DARS1: variants seen among roughly 807,000 people sequenced by gnomAD.
DARS1 encodes aspartate--tRNA ligase, cytoplasmic.
Under a neutral mutation model 68.8 loss-of-function variants are expected in DARS1, and 51 were observed. The ratio of observed to expected loss-of-function variants is 0.74; its 90% CI spans 0.59 to 0.94. DARS1 has a LOEUF of 0.94. Among genes scored for constraint, DARS1 ranks in the 40% least tolerant of loss-of-function variants. The pLI, the probability that DARS1 is intolerant of heterozygous loss-of-function variation, is 0.00. For synonymous variants in DARS1, 203 were observed against 190.4 expected (o/e 1.07, Z -0.55); for missense variants, 607 against 597.3 (o/e 1.02, Z -0.17).
At chr2:135,915,105 T>C (rs1332068884) in intron 11 of DARS1, among the ~76,000 whole-genome samples, 2 of 152,108 alleles carry the variant, frequency 1.3e-5, no homozygotes, top group African/African-American at 2.4e-5. Context: ...CATATATATA[T>C]ATTTTTTTTT....
intron 4 of DARS1, among the ~76,000 whole-genome samples, chr2:135,945,938 T>C (rs1681711624): frequency 6.6e-6 from 1 of 152,200 alleles, no homozygotes; most frequent in Non-Finnish European, 1.5e-5. Flanking sequence ...TAGACATTAG[T>C]AAAACTATTC....
intron 3 of DARS1, among the ~76,000 whole-genome samples, chr2:135,972,282 T>C (rs371195863): frequency 2.0e-5 from 3 of 152,242 alleles, no homozygotes; most frequent in East Asian, 1.9e-4. Context: ...GATCCACACA[T>C]CTACAGTAAA....
intron 11 of DARS1, among the ~76,000 whole-genome samples, chr2:135,915,688 G>T (rs1228827389): frequency 1.3e-5 from 2 of 152,036 alleles, no homozygotes; most frequent in Non-Finnish European, 2.9e-5. Flanking sequence ...TAGTATGTAT[G>T]ACACTATATA....
At chr2:135,982,279 C>T (rs1442950354) in intron 2 of DARS1, among the ~76,000 whole-genome samples, 1 of 151,982 alleles carries the variant, frequency 6.6e-6, no homozygotes, top group Non-Finnish European at 1.5e-5. Context: ...CTGAGAGAAA[C>T]AACATGAGTC....
At chr2:135,923,010 T>A (rs1033103576) in intron 8 of DARS1, 92 bp from the exon 9 acceptor site, 3 of 1,266,964 alleles carry the variant, frequency 2.4e-6, no homozygotes, top group Non-Finnish European at 3.0e-6. Context: ...CTCAGGTAAC[T>A]CACTTTAACA....
chr2:135,972,874 G>A (rs1237082596), intron 3 of DARS1, among the ~76,000 whole-genome samples: 1 of 152,108 alleles, frequency 6.6e-6, no homozygotes, highest in Non-Finnish European at 1.5e-5. Context: ...CTACAATGAG[G>A]TATCATCTCC....
intron 15 of DARS1, among the ~76,000 whole-genome samples, chr2:135,909,732 A>G (rs1397315655): frequency 1.3e-5 from 2 of 152,222 alleles, no homozygotes; most frequent in African/African-American, 4.8e-5. Flanking sequence ...ATGTTCATCT[A>G]CATTGCTACA....
intron 4 of DARS1, among the ~76,000 whole-genome samples, chr2:135,948,529 T>C (rs1681775042): frequency 1.3e-5 from 2 of 152,136 alleles, no homozygotes; most frequent in South Asian, 4.1e-4. Flanking sequence ...TAAAAATCAA[T>C]GAGACTTCTT....
chr2:135,921,104 C>G (rs1020111447), intron 9 of DARS1, among the ~76,000 whole-genome samples: 2 of 149,420 alleles, frequency 1.3e-5, no homozygotes, highest in African/African-American at 4.9e-5. Context: ...GAGCCATTAG[C>G]TCAGTCCAGC....
chr2:135,977,828 A>G (rs1682533583), intron 3 of DARS1, among the ~76,000 whole-genome samples: 1 of 152,186 alleles, frequency 6.6e-6, no homozygotes, highest in Non-Finnish European at 1.5e-5. Context: ...TACAATAAAA[A>G]AATTATAAAA....
chr2:135,930,870 C>T (rs1013359340), intron 7 of DARS1, among the ~76,000 whole-genome samples: 4 of 152,160 alleles, frequency 2.6e-5, no homozygotes, highest in African/African-American at 4.8e-5. Flanking sequence ...TAACAACCTG[C>T]TAACCTATGA....
intron 3 of DARS1, among the ~76,000 whole-genome samples, chr2:135,977,641 G>A (rs1682530719): frequency 6.6e-6 from 1 of 152,072 alleles, no homozygotes; most frequent in African/African-American, 2.4e-5. Context: ...CTTTCAGGAA[G>A]GCAAATCAAC....
chr2:135,973,204 A>G (rs1682420050), intron 3 of DARS1, among the ~76,000 whole-genome samples: 1 of 152,206 alleles, frequency 6.6e-6, no homozygotes, highest in Non-Finnish European at 1.5e-5. Context: ...GGATAAAGAA[A>G]ATGTGCTACA....
At chr2:135,932,509 A>T (rs1681373132) in intron 7 of DARS1, among the ~76,000 whole-genome samples, 1 of 152,218 alleles carries the variant, frequency 6.6e-6, no homozygotes, top group Non-Finnish European at 1.5e-5. Context: ...TAAAAAAGAT[A>T]TCACCTGGAA....
At chr2:135,942,080 G>T (rs1425407987) in intron 5 of DARS1, among the ~76,000 whole-genome samples, 1 of 152,158 alleles carries the variant, frequency 6.6e-6, no homozygotes, top group Non-Finnish European at 1.5e-5. Context: ...TTCAACCATT[G>T]TGGAAGTCAG....
At chr2:135,947,928 T>C (rs995261264) in intron 4 of DARS1, among the ~76,000 whole-genome samples, 14 of 152,146 alleles carry the variant, frequency 9.2e-5, no homozygotes, top group African/African-American at 3.4e-4. Context: ...GTAACACTGA[T>C]GTATCTTGAT....
intron 4 of DARS1, among the ~76,000 whole-genome samples, chr2:135,958,764 C>T (rs909254121): frequency 2.0e-5 from 3 of 152,260 alleles, no homozygotes; most frequent in East Asian, 1.9e-4. Context: ...TATTCAGGCT[C>T]GATTCCTTAA....
At position 135,938,168 on chromosome 2, in the gene DARS1, T is replaced by C. The variant is rs4278979; in HGVS notation, c.424-4178A>G. 7.7e-3 allele frequency among the ~76,000 whole-genome samples: 1,172 copies of C among 152,354 alleles called. 11 individuals carry two copies. The highest frequency in any genetic ancestry group is 0.027 in the African/African-American group (1,106 of 41,584). On this transcript the variant is annotated intron_variant, in intron 5 of 15. Coordinates refer to ENST00000264161, the MANE Select transcript of DARS1 (RefSeq NM_001349.4). Reference sequence around the variant, plus strand: ...GTCTTTTCACATAGTCCCATGTTTCTTGGAGGCTTTGTTCGTTTCTTTTTA... The same window carrying C: ...GTCTTTTCACATAGTCCCATGTTTCCTGGAGGCTTTGTTCGTTTCTTTTTA...
Position 135,916,274 on chromosome 2 carries a change from G to T in DARS1, c.1058C>A (p.Ala353Asp). The T allele has an allele frequency of 6.3e-7, 1 of 1,582,010 alleles. No individual in the cohort carries two copies. The highest frequency in any genetic ancestry group is 8.7e-7 in the Non-Finnish European group (1 of 1,150,660). ...TTCGACTCCAGCTTCCCTAAGCATA[G>T]CCAATGCTTCACAATATTCTAGTCT... ...TLRLEYCEAL[A>D]MLREAGVEMG... Residue 353 changes from alanine (A) to aspartate (D), a missense_variant, in exon 11 of 16, where the codon GCT becomes GAT. Ala to Asp is a moderately radical substitution (Grantham distance 126). Coordinates refer to ENST00000264161, the MANE Select transcript of DARS1 (RefSeq NM_001349.4).
Sources: gnomAD v4.1 joint callset for allele counts (sites outside exome capture counted in the v4.1 genomes callset) on GRCh38, gnomAD v4.1.1 for gene constraint, MANE v1.5 for transcripts, NCBI Gene and HGNC (gene_info 2026-07-23, HGNC 2026-07-21) for gene names.